The following ACBD3 variants were observed in gnomAD, a reference collection of about 807,000 sequenced individuals.
ACBD3 encodes acyl-CoA binding domain containing 3, also known as Golgi resident protein GCP60.
Under a neutral mutation model 66.9 loss-of-function variants are expected in ACBD3, and 30 were observed. The ratio of observed to expected loss-of-function variants is 0.45; its 90% CI spans 0.34 to 0.61. ACBD3 has a LOEUF of 0.61. ACBD3 is among the 20% of genes least tolerant of loss of function. The probability of loss-of-function intolerance (pLI) is 0.02; values close to 1 mark genes in which losing one functional copy is unlikely to be tolerated. For missense variants in ACBD3, 544 were observed against 664.5 expected (o/e 0.82, Z 1.99); for synonymous variants, 278 against 259.8 (o/e 1.07, Z -0.68).
intron 1 of ACBD3, among the ~76,000 whole-genome samples, chr1:226,179,484 T>C (rs573001007): frequency 6.6e-6 from 1 of 152,276 alleles, no homozygotes; most frequent in Admixed American, 6.5e-5. Context: ...CAGCCTAAGA[T>C]CAAATCTGTT....
chr1:226,185,626 A>C (rs1325650479), intron 1 of ACBD3, among the ~76,000 whole-genome samples: 1 of 152,178 alleles, frequency 6.6e-6, no homozygotes, highest in African/African-American at 2.4e-5. Flanking sequence ...CAATTAAAAA[A>C]AAAAAAAACC....
At chr1:226,163,826 A>G (rs1659816193) in intron 3 of ACBD3, among the ~76,000 whole-genome samples, 1 of 152,170 alleles carries the variant, frequency 6.6e-6, no homozygotes, top group Non-Finnish European at 1.5e-5. Flanking sequence ...AATTGTTTTT[A>G]AAGAATAACA....
chr1:226,149,213 T>C (rs577044005), intron 7 of ACBD3, among the ~76,000 whole-genome samples: 8 of 151,728 alleles, frequency 5.3e-5, no homozygotes, highest in Non-Finnish European at 1.0e-4. Flanking sequence ...AGAATTCTTA[T>C]TCACAAAGCT....
chr1:226,147,918 T>C (rs923201494), intron 7 of ACBD3: 2 of 152,188 alleles, frequency 1.3e-5, no homozygotes, highest in African/African-American at 4.8e-5. Context: ...GACAAGACTT[T>C]CGGGTTTATG....
chr1:226,186,383 G>C lies in ACBD3; in HGVS notation c.286+7C>G, dbSNP rs1656307907. ...GAAGCGGCGGGGGTGGGGCTGGCCCGGCTCACCTTTGAAGAAGCGCAGTGC... is the reference window on the plus strand; with the variant it reads ...GAAGCGGCGGGGGTGGGGCTGGCCCCGCTCACCTTTGAAGAAGCGCAGTGC... On this transcript the variant is annotated splice_region_variant and intron_variant, in intron 1 of 7. Transcript: ENST00000366812. 6.6e-7 allele frequency: 1 copy of C among 1,514,698 alleles called. No individual in the cohort carries two copies. Among genetic ancestry groups the C allele is most frequent in the Non-Finnish European group, 8.8e-7 (1 of 1,131,448 alleles). 93.8% of individuals were successfully genotyped at this position (1,514,698 alleles called of 1,614,324 possible). A position where few individuals can be genotyped will look rare whatever the true frequency, so the allele number is the denominator to read the frequency against.
intron 5 of ACBD3, among the ~76,000 whole-genome samples, chr1:226,158,905 A>G (rs1013031524): frequency 6.6e-6 from 1 of 152,322 alleles, no homozygotes; most frequent in African/African-American, 2.4e-5. Flanking sequence ...CAGGACCACT[A>G]TTAGGGTCTA....
intron 3 of ACBD3, among the ~76,000 whole-genome samples, chr1:226,163,189 T>C (rs1027483426): frequency 6.6e-6 from 1 of 152,182 alleles, no homozygotes; most frequent in African/African-American, 2.4e-5. Context: ...AGCTTCAGGA[T>C]AGATGAAGTC....
chr1:226,185,390 T>C (rs1249939855), intron 1 of ACBD3, among the ~76,000 whole-genome samples: 2 of 152,218 alleles, frequency 1.3e-5, no homozygotes, highest in African/African-American at 4.8e-5. Context: ...AAATATGTAC[T>C]CCAAAAGGTA....
intron 4 of ACBD3, among the ~76,000 whole-genome samples, chr1:226,160,699 C>G (rs1272675724): frequency 6.6e-6 from 1 of 152,230 alleles, no homozygotes; most frequent in African/African-American, 2.4e-5. Flanking sequence ...CCTACAAACT[C>G]AGACTTACTT....
Position 226,186,396 on chromosome 1 carries a change from A to T in ACBD3, c.280T>A (p.Phe94Ile). The T allele has an allele frequency of 6.6e-7, 1 of 1,519,388 alleles. No individual in the cohort carries two copies. The highest frequency in any genetic ancestry group is 8.8e-7 in the Non-Finnish European group (1 of 1,133,758). The allele number at this position is 1,519,388 out of a possible 1,614,324, so 94.1% of individuals were successfully genotyped here. ...TGGGGCTGGCCCGGCTCACCTTTGA[A>T]GAAGCGCAGTGCCAGGCCGTACAAC... ...EELYGLALRF[F>I]KEKDGKAFHP... The change falls in exon 1 of 8, where the codon TTC becomes ATC. Residue 94 changes from phenylalanine (F) to isoleucine (I), a missense_variant. Phe to Ile is a conservative substitution (Grantham distance 21). Coordinates refer to ENST00000366812, the MANE Select transcript of ACBD3 (RefSeq NM_022735.4).
intron 7 of ACBD3, among the ~76,000 whole-genome samples, chr1:226,150,856 G>C (rs1659559696): frequency 6.6e-6 from 1 of 152,144 alleles, no homozygotes; most frequent in Admixed American, 6.5e-5. Context: ...GTATAATGAA[G>C]GATTTTAAAT....
chr1:226,152,022 T>G (rs531701739), intron 7 of ACBD3, among the ~76,000 whole-genome samples: 1 of 152,044 alleles, frequency 6.6e-6, no homozygotes, highest in South Asian at 2.1e-4. Context: ...AAAAAAAATT[T>G]TTTTTGAAGT....
At chr1:226,186,368 G>C in intron 1 of ACBD3, 22 bp downstream of exon 1, 1 of 1,502,462 alleles carries the variant, frequency 6.7e-7, no homozygotes, top group Non-Finnish European at 8.9e-7. Flanking sequence ...GAAGCGGCGG[G>C]GGTGGGGCTG....
intron 1 of ACBD3, among the ~76,000 whole-genome samples, chr1:226,173,757 C>CTTTTTTTTTTTTTTTTTTTTTT (rs145462202): frequency 2.3e-5 from 2 of 88,322 alleles, no homozygotes; most frequent in African/African-American, 4.6e-5. Flanking sequence ...TTTTTCTTTT[C>CTTTTTTTTTTTTTTTTTTTTTT]TTTTTTTTTT....
chr1:226,146,831 CAG>C lies in ACBD3; in HGVS notation c.1376-12_1376-11del, dbSNP rs765860074. 8 of 1,612,798 alleles carry C rather than the reference CAG, an allele frequency of 5.0e-6. No homozygotes were observed. The highest frequency in any genetic ancestry group is 5.9e-6 in the Non-Finnish European group (7 of 1,178,802). On this transcript the variant is annotated splice_polypyrimidine_tract_variant and intron_variant, in intron 7 of 7. Coordinates refer to ENST00000366812, the MANE Select transcript of ACBD3 (RefSeq NM_022735.4). Reference sequence around the variant, plus strand: ...TCACAACCGATGTTTTCTGTAAGAACAGAGACAAGTCAATGAACAGATTCAGG... The same window carrying C: ...TCACAACCGATGTTTTCTGTAAGAACAGACAAGTCAATGAACAGATTCAGG...
intron 7 of ACBD3, among the ~76,000 whole-genome samples, chr1:226,147,601 A>G (rs569167904): frequency 3.0e-4 from 45 of 152,296 alleles, no homozygotes; most frequent in African/African-American, 8.7e-4. Flanking sequence ...TGCTTTCTGT[A>G]TATCTTAAAT....
chr1:226,176,593 T>C (rs546143573), intron 1 of ACBD3, among the ~76,000 whole-genome samples: 1 of 152,300 alleles, frequency 6.6e-6, no homozygotes, highest in African/African-American at 2.4e-5. Context: ...ATTACTACAA[T>C]TTTTTACACC....
Position 226,146,810 on chromosome 1 carries a change from A to C in ACBD3, c.1387T>G (p.Cys463Gly). Residue 463 changes from cysteine to glycine, a missense_variant, in exon 8 of 8, where the codon TGT (cysteine) becomes GGT (glycine). This residue lies in a region of ACBD3 where 383 missense variants were observed against 462.4 expected (regional missense o/e 0.83). Coordinates refer to ENST00000366812, the MANE Select transcript of ACBD3 (RefSeq NM_022735.4). The stretch of plus-strand genomic sequence containing the variant: ...GCATTCTTTTTGGCTTTCTCTTCAC[A>C]ACCGATGTTTTCTGTAAGAACAGAG... ...DDEEEEENIG[C>G]EEKAKKNANK... The C allele has an allele frequency of 6.2e-7, 1 of 1,614,114 alleles. No homozygotes were observed. The highest frequency in any genetic ancestry group is 8.5e-7 in the Non-Finnish European group (1 of 1,180,024).
intron 1 of ACBD3, among the ~76,000 whole-genome samples, chr1:226,185,068 G>A (rs1393989992): frequency 1.3e-5 from 2 of 151,938 alleles, no homozygotes; most frequent in Non-Finnish European, 2.9e-5. Flanking sequence ...GTAGCTATAT[G>A]AATTGTACAG....
Sources: gnomAD v4.1 joint callset for allele counts (sites outside exome capture counted in the v4.1 genomes callset) on GRCh38, gnomAD v4.1.1 for gene constraint, gnomAD v4.1.1 regional missense constraint, MANE v1.5 for transcripts, NCBI Gene and HGNC (gene_info 2026-07-23, HGNC 2026-07-21) for gene names.